The following NOL4 variants were observed in gnomAD, a reference collection of about 807,000 sequenced individuals.
NOL4 encodes the protein nucleolar protein 4, also known as cancer/testis antigen 125.
A neutral mutation model predicts 75.9 loss-of-function variants in NOL4; 17 were observed. The observed-to-expected ratio is 0.22, with a 90% CI of 0.15 to 0.34. The LOEUF is 0.34. NOL4 is among the 10% of genes least tolerant of loss of function. The pLI, the probability that NOL4 is intolerant of heterozygous loss-of-function variation, is 1.00. For missense variants in NOL4, 614 were observed against 793.5 expected (o/e 0.77, Z 2.72); for synonymous variants, 292 against 289.9 (o/e 1.01, Z -0.07).
intron 8 of NOL4, among the ~76,000 whole-genome samples, chr18:33,943,828 T>G (rs2068660226): frequency 6.6e-6 from 1 of 151,906 alleles, no homozygotes; most frequent in Admixed American, 6.6e-5. Context: ...GCTGATATTT[T>G]ATAGGGACGT....
chr18:34,115,599 A>G (rs922173637), intron 2 of NOL4, among the ~76,000 whole-genome samples: 1 of 151,574 alleles, frequency 6.6e-6, no homozygotes, highest in Non-Finnish European at 1.5e-5. Context: ...AGAGTGTCAC[A>G]CCCTATGCAA....
At chr18:33,895,729 CT>C (rs1328029567) in intron 9 of NOL4, among the ~76,000 whole-genome samples, 1 of 152,080 alleles carries the variant, frequency 6.6e-6, no homozygotes, top group Non-Finnish European at 1.5e-5. Context: ...GGAAGCATTT[CT>C]TTTGAAAACC....
intron 1 of NOL4, among the ~76,000 whole-genome samples, chr18:34,147,729 A>G (rs2081466476): frequency 6.6e-6 from 1 of 152,138 alleles, no homozygotes; most frequent in Non-Finnish European, 1.5e-5. Context: ...TGCTGGCCTC[A>G]TAAAATGAGT....
chr18:33,898,913 A>T (rs1014634858), intron 9 of NOL4, among the ~76,000 whole-genome samples: 1 of 152,132 alleles, frequency 6.6e-6, no homozygotes, highest in Admixed American at 6.6e-5. Context: ...TAGTCAGACT[A>T]TGACAGTGAA....
In NOL4 at chr18:34,104,039, TA is replaced by T. The variant is rs2079156886; in HGVS notation, c.639+7del. 1 of 1,587,718 alleles carries T rather than the reference TA, an allele frequency of 6.3e-7. No homozygotes were observed. The highest frequency in any genetic ancestry group is 1.3e-5 in the African/African-American group (1 of 74,374). ...TAAGTAATACAAATGTAGATGTTTT[TA>T]TTTTACCTCATCTTGCTGTGAGTTT... On this transcript the variant is annotated splice_region_variant and intron_variant, in intron 4 of 10. Transcript: ENST00000261592.
At chr18:34,221,867 C>G (rs896705400) in intron 1 of NOL4, among the ~76,000 whole-genome samples, 44 of 152,156 alleles carry the variant, frequency 2.9e-4, no homozygotes, top group African/African-American at 1.1e-3. Flanking sequence ...CAAAGCGTCT[C>G]CTTTCTAGCA....
At chr18:34,175,679 C>G (rs1268777975) in intron 1 of NOL4, among the ~76,000 whole-genome samples, 1 of 152,040 alleles carries the variant, frequency 6.6e-6, no homozygotes, top group African/African-American at 2.4e-5. Flanking sequence ...TTGGCAGAGG[C>G]TGGAGAATTT....
chr18:33,909,902 G>A (rs913900349), intron 9 of NOL4, among the ~76,000 whole-genome samples: 1 of 152,128 alleles, frequency 6.6e-6, no homozygotes, highest in Non-Finnish European at 1.5e-5. Context: ...GTAAACTAAT[G>A]ATTGGGGATG....
chr18:34,072,840 ATAAT>A (rs1568306525), intron 5 of NOL4, among the ~76,000 whole-genome samples: 1 of 152,318 alleles, frequency 6.6e-6, no homozygotes, highest in East Asian at 1.9e-4. Context: ...CAACTTCTAA[ATAAT>A]CTATTGGTTA....
At chr18:34,150,641 A>G (rs1439615176) in intron 1 of NOL4, among the ~76,000 whole-genome samples, 1 of 151,768 alleles carries the variant, frequency 6.6e-6, no homozygotes, top group Non-Finnish European at 1.5e-5. Flanking sequence ...CTTTTGTCCT[A>G]GAAGATAAAA....
intron 6 of NOL4, among the ~76,000 whole-genome samples, chr18:33,974,154 G>A (rs1183086672): frequency 1.3e-5 from 2 of 152,212 alleles, no homozygotes; most frequent in Admixed American, 6.5e-5. Context: ...ATCAGCATTC[G>A]TTGCTTTACC....
chr18:34,153,538 T>C (rs186840256), intron 1 of NOL4, among the ~76,000 whole-genome samples: 1 of 151,976 alleles, frequency 6.6e-6, no homozygotes, highest in Admixed American at 6.6e-5. Flanking sequence ...AATAAATGAA[T>C]ACATTCCCCA....
intron 1 of NOL4, among the ~76,000 whole-genome samples, chr18:34,152,503 C>A (rs1271353523): frequency 2.0e-5 from 3 of 151,904 alleles, no homozygotes; most frequent in Non-Finnish European, 2.9e-5. Context: ...GAATCCTACA[C>A]AGGATAATTT....
intron 5 of NOL4, among the ~76,000 whole-genome samples, chr18:34,091,091 T>G (rs2078495415): frequency 6.6e-6 from 1 of 151,732 alleles, no homozygotes; most frequent in Non-Finnish European, 1.5e-5. Context: ...GACTCATGCC[T>G]GTAATCCCAG....
At chr18:33,938,808 T>C (rs570023917) in intron 9 of NOL4, among the ~76,000 whole-genome samples, 1 of 152,314 alleles carries the variant, frequency 6.6e-6, no homozygotes, top group Non-Finnish European at 1.5e-5. Context: ...ATTTTGGCTC[T>C]TGTTGCCATT....
In NOL4 at chr18:33,852,566, G is replaced by T; in HGVS notation, c.*276C>A. ...TTCTTCTGTTTTATCCTTGAATTAA[G>T]AATAGATAGCCTTTTATGCCCCTGA... On this transcript the variant is annotated 3_prime_UTR_variant, in exon 11 of 11. Coordinates refer to ENST00000261592, the MANE Select transcript of NOL4 (RefSeq NM_003787.5). The T allele has an allele frequency of 4.2e-6, 1 of 240,702 alleles. No individual in the cohort carries two copies. The highest frequency in any genetic ancestry group is 1.4e-4 in the South Asian group (1 of 7,060). 14.9% of individuals were successfully genotyped at this position (240,702 alleles called of 1,614,324 possible). A position where few individuals can be genotyped will look rare whatever the true frequency, so the allele number is the denominator to read the frequency against.
At chr18:33,963,889 C>A (rs967200460) in intron 6 of NOL4, among the ~76,000 whole-genome samples, 1 of 152,122 alleles carries the variant, frequency 6.6e-6, no homozygotes, top group African/African-American at 2.4e-5. Context: ...CAGATAGCAA[C>A]ACCACAGTGC....
chr18:34,119,844 G>A (rs1434671080), intron 2 of NOL4, among the ~76,000 whole-genome samples: 1 of 151,940 alleles, frequency 6.6e-6, no homozygotes, highest in Non-Finnish European at 1.5e-5. Flanking sequence ...GGATGGTCTG[G>A]ATCTCCTGAC....
chr18:34,131,763 T>C (rs2145916093), intron 1 of NOL4, among the ~76,000 whole-genome samples: 1 of 152,276 alleles, frequency 6.6e-6, no homozygotes, highest in African/African-American at 2.4e-5. Flanking sequence ...ATTTACTCAT[T>C]TTATCAATAA....
Sources: gnomAD v4.1 joint callset for allele counts (sites outside exome capture counted in the v4.1 genomes callset) on GRCh38, gnomAD v4.1.1 for gene constraint, MANE v1.5 for transcripts, NCBI Gene and HGNC (gene_info 2026-07-23, HGNC 2026-07-21) for gene names.